Variants in LYAR observed in about 807,000 individuals in gnomAD.
LYAR encodes the protein Ly1 antibody reactive, also known as cell growth-regulating nucleolar protein.
In LYAR, 37 loss-of-function variants were observed where a neutral mutation model predicts 45.2. That is an observed-to-expected ratio of 0.82 (90% CI 0.63 to 1.08). LYAR has a LOEUF of 1.08. Among genes scored for constraint, LYAR ranks in the 50% least tolerant of loss-of-function variants. The pLI, the probability that LYAR is intolerant of heterozygous loss-of-function variation, is 0.00. For synonymous variants in LYAR, 176 were observed against 155.1 expected (o/e 1.14, Z -1.00); for missense variants, 493 against 451.0 (o/e 1.09, Z -0.84).
intron 8 of LYAR, among the ~76,000 whole-genome samples, chr4:4,272,425 T>C (rs1718973161): frequency 6.6e-6 from 1 of 152,194 alleles, no homozygotes; most frequent in Admixed American, 6.5e-5. Flanking sequence ...TGAACCCCTA[T>C]ATATACTGTC....
intron 4 of LYAR, among the ~76,000 whole-genome samples, chr4:4,280,566 C>T (rs1719354305): frequency 6.6e-6 from 1 of 152,204 alleles, no homozygotes; most frequent in Admixed American, 6.5e-5. Context: ...TTGCTGACCC[C>T]TGCTTCAGAG....
intron 1 of LYAR, among the ~76,000 whole-genome samples, chr4:4,289,441 G>A (rs145651316): frequency 1.8e-4 from 27 of 152,180 alleles, no homozygotes; most frequent in Non-Finnish European, 3.7e-4. Context: ...CTCCTCAGAG[G>A]TAGGTGCTTC....
chr4:4,281,866 T>C lies in LYAR; in HGVS notation c.154A>G (p.Ile52Val), dbSNP rs1402421445. 9 of 1,614,052 alleles carry C rather than the reference T, an allele frequency of 5.6e-6. No individual in the cohort carries two copies. Among genetic ancestry groups the C allele is most frequent in the African/African-American group, 4.0e-5 (3 of 74,936 alleles). Reference protein sequence around the residue: ...GDDYKNHVKCISEDQKYGGKG... With the variant: ...GDDYKNHVKCVSEDQKYGGKG... ...CCACCATACTTCTGATCTTCACTTA[T>C]GCATTTCACGTGGTTTTTATAGTCA... The change falls in exon 4 of 10, where the codon ATA becomes GTA. Residue 52 changes from isoleucine (I) to valine (V), a missense_variant. Coordinates refer to ENST00000343470, the MANE Select transcript of LYAR (RefSeq NM_017816.3).
intron 8 of LYAR, among the ~76,000 whole-genome samples, chr4:4,271,803 G>C (rs1445357580): frequency 6.6e-6 from 1 of 152,206 alleles, no homozygotes; most frequent in Non-Finnish European, 1.5e-5. Context: ...GTTTACTGCA[G>C]CTTTATTCAT....
chr4:4,277,869 G>A (rs3733427), intron 6 of LYAR, among the ~76,000 whole-genome samples: 110,619 of 152,096 alleles, frequency 0.73, 43,416 homozygotes, highest in Non-Finnish European at 0.86. Flanking sequence ...GGAGGACAAG[G>A]CCTCAGGACC....
At chr4:4,284,128 GC>G (rs1456677250) in intron 2 of LYAR, among the ~76,000 whole-genome samples, 1 of 152,180 alleles carries the variant, frequency 6.6e-6, no homozygotes, top group Non-Finnish European at 1.5e-5. Flanking sequence ...TACATAACTT[GC>G]CCAAGGATAC....
chr4:4,274,710 T>C lies in LYAR; in HGVS notation c.489A>G (p.Ala163=). 1 of 1,613,666 alleles carries C rather than the reference T, an allele frequency of 6.2e-7. No homozygotes were observed. Among genetic ancestry groups the C allele is most frequent in the Non-Finnish European group, 8.5e-7 (1 of 1,179,932 alleles). Residue 163 remains alanine, a synonymous_variant, in exon 7 of 10, where the codon GCA becomes GCG. Coordinates refer to ENST00000343470, the MANE Select transcript of LYAR (RefSeq NM_017816.3). ...AGGCTGGAACCTTGGTGGAGATTTC[T>C]GCATGTGGATTTGCCACTGGGTGGA... ...RPLHPVANPH[A]EISTKVPASK... is the part of the protein sequence containing the mutation.
At position 4,281,848 on chromosome 4, in the gene LYAR, A is replaced by G; in HGVS notation, c.172T>C (p.Tyr58His). Residue 58 changes from tyrosine to histidine, a missense_variant, in exon 4 of 10, where the codon TAT becomes CAT. Physicochemically the swap from Tyr to His is moderately conservative, Grantham distance 83. Coordinates refer to ENST00000343470, the MANE Select transcript of LYAR (RefSeq NM_017816.3). The part of the protein sequence containing the change: ...HVKCISEDQK[Y>H]GGKGYEGKTH... ...TTACCTTCATAGCCTTTGCCACCAT[A>G]CTTCTGATCTTCACTTATGCATTTC... The G allele has an allele frequency of 6.2e-7, 1 of 1,614,030 alleles. No individual in the cohort carries two copies. Among genetic ancestry groups the G allele is most frequent in the Non-Finnish European group, 8.5e-7 (1 of 1,179,984 alleles).
intron 8 of LYAR, among the ~76,000 whole-genome samples, chr4:4,271,048 T>C (rs978454008): frequency 2.6e-5 from 4 of 152,224 alleles, no homozygotes; most frequent in Non-Finnish European, 5.9e-5. Flanking sequence ...TATTTTAAAA[T>C]GTACAATTAA....
At chr4:4,289,351 G>A (rs1342767424) in intron 1 of LYAR, among the ~76,000 whole-genome samples, 1 of 152,178 alleles carries the variant, frequency 6.6e-6, no homozygotes, top group Admixed American at 6.5e-5. Context: ...CTCGGGCACA[G>A]TGTGAGTAAG....
intron 6 of LYAR, among the ~76,000 whole-genome samples, chr4:4,275,439 C>CCT (rs1719139450): frequency 6.9e-6 from 1 of 143,974 alleles, no homozygotes; most frequent in African/African-American, 2.6e-5. Flanking sequence ...TCTCATCATT[C>CCT]TTTTTTTTTT....
intron 8 of LYAR, among the ~76,000 whole-genome samples, chr4:4,270,732 A>AC (rs1376977942): frequency 2.6e-5 from 4 of 152,238 alleles, no homozygotes; most frequent in Admixed American, 1.3e-4. Context: ...ATGAGCGGTT[A>AC]CCACACATCT....
intron 2 of LYAR, among the ~76,000 whole-genome samples, chr4:4,286,077 G>T (rs1052232138): frequency 1.3e-5 from 2 of 152,178 alleles, no homozygotes; most frequent in African/African-American, 4.8e-5. Context: ...CCAAATGGGT[G>T]GATTGCACAG....
chr4:4,273,433 C>T (rs1434289185), intron 8 of LYAR, 150 bp downstream of exon 8: 3 of 576,050 alleles, frequency 5.2e-6, no homozygotes, highest in African/African-American at 3.9e-5. Flanking sequence ...CTCTCTCTCT[C>T]GCTTTTTGAA....
At chr4:4,270,009 A>G (rs968536973) in intron 8 of LYAR, among the ~76,000 whole-genome samples, 3 of 152,146 alleles carry the variant, frequency 2.0e-5, no homozygotes, top group African/African-American at 7.2e-5. Context: ...GCTTGAGCCC[A>G]GGAGTTCAAG....
chr4:4,268,443 G>T, intron 9 of LYAR, 87 bp downstream of exon 9: 1 of 912,276 alleles, frequency 1.1e-6, no homozygotes, highest in Non-Finnish European at 1.7e-6. Context: ...AGTGTTTTAG[G>T]TGAAAAAAGA....
intron 1 of LYAR, among the ~76,000 whole-genome samples, chr4:4,288,474 T>C (rs949920680): frequency 2.0e-5 from 3 of 149,670 alleles, no homozygotes; most frequent in Non-Finnish European, 4.4e-5. Context: ...TATTACTTAT[T>C]CAATTTTTTT....
intron 1 of LYAR, among the ~76,000 whole-genome samples, chr4:4,288,948 T>C (rs915277882): frequency 2.0e-5 from 3 of 152,156 alleles, no homozygotes; most frequent in Non-Finnish European, 4.4e-5. Context: ...CTCTATAAAC[T>C]TCAAGTTATC....
At chr4:4,272,155 G>A (rs1337916306) in intron 8 of LYAR, among the ~76,000 whole-genome samples, 1 of 152,186 alleles carries the variant, frequency 6.6e-6, no homozygotes, top group Non-Finnish European at 1.5e-5. Flanking sequence ...AAATGGAAGC[G>A]TATCCATGTC....
Sources: gnomAD v4.1 joint callset for allele counts (sites outside exome capture counted in the v4.1 genomes callset) on GRCh38, gnomAD v4.1.1 for gene constraint, MANE v1.5 for transcripts, NCBI Gene and HGNC (gene_info 2026-07-23, HGNC 2026-07-21) for gene names.